The following IQUB variants were observed in gnomAD, a reference collection of about 807,000 sequenced individuals.
IQUB encodes IQ motif and ubiquitin domain containing.
A neutral mutation model predicts 86.4 loss-of-function variants in IQUB; 86 were observed. The observed-to-expected ratio is 1.00, with a 90% CI of 0.84 to 1.19. The LOEUF (loss-of-function observed/expected upper bound fraction) is 1.19. Ranked by LOEUF, IQUB falls within the 50% of genes most tolerant of loss-of-function variation. IQUB has a pLI of 0.00. For missense variants in IQUB, 946 were observed against 916.9 expected (o/e 1.03, Z -0.41); for synonymous variants, 289 against 304.5 (o/e 0.95, Z 0.53).
intron 7 of IQUB, among the ~76,000 whole-genome samples, chr7:123,480,719 T>C (rs1794967284): frequency 1.3e-5 from 2 of 152,110 alleles, no homozygotes; most frequent in Non-Finnish European, 2.9e-5. Context: ...GAATTGTTGA[T>C]TTCAGTCATT....
chr7:123,525,783 A>T (rs1797172624), intron 1 of IQUB, among the ~76,000 whole-genome samples: 1 of 151,284 alleles, frequency 6.6e-6, no homozygotes, highest in Non-Finnish European at 1.5e-5. Flanking sequence ...AGTTCTTTTA[A>T]TTGTGATGTT....
chr7:123,467,794 C>T (rs921849999), intron 9 of IQUB, among the ~76,000 whole-genome samples: 36 of 152,210 alleles, frequency 2.4e-4, no homozygotes, highest in African/African-American at 8.2e-4. Context: ...TAAAAATGGC[C>T]CCAATTACTA....
At chr7:123,517,190 T>A (rs186008938) in intron 1 of IQUB, among the ~76,000 whole-genome samples, 59 of 152,174 alleles carry the variant, frequency 3.9e-4, no homozygotes, top group Admixed American at 8.5e-4. Flanking sequence ...GGGGAATATA[T>A]CATTGTTATT....
At chr7:123,469,133 A>C (rs1034894053) in intron 9 of IQUB, 81 bp downstream of exon 9, 3 of 984,724 alleles carry the variant, frequency 3.0e-6, no homozygotes, top group Non-Finnish European at 4.2e-6. Context: ...AATGTAAAAC[A>C]CTTTACTTGT....
Position 123,457,482 on chromosome 7 carries a change from T to C in IQUB, c.2092A>G (p.Met698Val), listed in dbSNP as rs774622839. The C allele has an allele frequency of 1.3e-5, 21 of 1,611,550 alleles. No individual in the cohort carries two copies. Among genetic ancestry groups the C allele is most frequent in the Admixed American group, 6.7e-5 (4 of 59,508 alleles). ...SACDNLSDLVMVRWNKSLEWS... is the reference protein window; with the variant it reads ...SACDNLSDLVVVRWNKSLEWS... ...TCCAGGGATTTATTCCATCTGACCA[T>C]GACCAGATCACTGAGATTGTCGCAA... is the stretch of plus-strand genomic sequence containing the variant. The change falls in exon 12 of 13, where the codon ATG (methionine) becomes GTG (valine). Residue 698 changes from methionine (M) to valine (V), a missense_variant. Transcript: ENST00000324698.
intron 8 of IQUB, among the ~76,000 whole-genome samples, chr7:123,476,583 T>C (rs1316175488): frequency 2.0e-5 from 3 of 151,710 alleles, no homozygotes; most frequent in Admixed American, 1.3e-4. Context: ...GGCAGTGATA[T>C]AGATAATGGA....
chr7:123,516,508 GGAT>G (rs1271474957), intron 1 of IQUB, among the ~76,000 whole-genome samples: 10 of 151,982 alleles, frequency 6.6e-5, no homozygotes, highest in African/African-American at 2.4e-4. Flanking sequence ...AGGAAGAGGA[GGAT>G]GAAGTACTCT....
intron 12 of IQUB, among the ~76,000 whole-genome samples, chr7:123,456,095 A>T (rs1035861923): frequency 1.3e-5 from 2 of 152,122 alleles, no homozygotes; most frequent in Non-Finnish European, 2.9e-5. Flanking sequence ...TCAGCCCAAA[A>T]CCATAAAAAA....
intron 1 of IQUB, among the ~76,000 whole-genome samples, chr7:123,527,262 T>G (rs1057441299): frequency 6.6e-5 from 10 of 152,218 alleles, no homozygotes; most frequent in Middle Eastern, 3.2e-3. Context: ...TGGTTTGAAT[T>G]TCCTCCTGTA....
chr7:123,476,063 A>G (rs1794732680), intron 8 of IQUB, among the ~76,000 whole-genome samples: 1 of 152,156 alleles, frequency 6.6e-6, no homozygotes, highest in Admixed American at 6.6e-5. Flanking sequence ...CTTCCTCCCT[A>G]CCTTCTTCCA....
chr7:123,527,441 T>C (rs888512220), intron 1 of IQUB, among the ~76,000 whole-genome samples: 4 of 152,178 alleles, frequency 2.6e-5, no homozygotes, highest in African/African-American at 9.7e-5. Context: ...CCCATCTTTG[T>C]GGTTTTATCT....
chr7:123,470,025 G>C (rs573523564), intron 8 of IQUB, among the ~76,000 whole-genome samples: 1 of 152,190 alleles, frequency 6.6e-6, no homozygotes, highest in African/African-American at 2.4e-5. Context: ...TCCCAACCTA[G>C]CCCACCTCCT....
intron 1 of IQUB, among the ~76,000 whole-genome samples, chr7:123,524,547 T>C (rs1419029939): frequency 4.1e-5 from 6 of 147,556 alleles, no homozygotes; most frequent in East Asian, 3.9e-4. Flanking sequence ...TGTACATTGA[T>C]TTTGTATCCT....
chr7:123,459,738 T>C (rs1318729599), intron 11 of IQUB: 1 of 151,966 alleles, frequency 6.6e-6, no homozygotes, highest in Non-Finnish European at 1.5e-5. Flanking sequence ...CAGCACTTCT[T>C]GGTGACTTAC....
chr7:123,516,938 G>A (rs1789525371), intron 1 of IQUB, among the ~76,000 whole-genome samples: 1 of 152,040 alleles, frequency 6.6e-6, no homozygotes, highest in Non-Finnish European at 1.5e-5. Flanking sequence ...CATGAATACT[G>A]TCAGAATAGA....
intron 8 of IQUB, among the ~76,000 whole-genome samples, chr7:123,477,187 T>C (rs1284368208): frequency 1.3e-5 from 2 of 152,160 alleles, no homozygotes; most frequent in African/African-American, 2.4e-5. Flanking sequence ...GACTTCAAAC[T>C]ATACTACAAG....
chr7:123,506,939 G>T (rs865873148), intron 3 of IQUB, among the ~76,000 whole-genome samples: 1 of 152,100 alleles, frequency 6.6e-6, no homozygotes, highest in South Asian at 2.1e-4. Flanking sequence ...CCAGCCACTG[G>T]TGTATTCAGA....
At chr7:123,496,975 G>T in intron 6 of IQUB, 69 bp from the exon 7 acceptor site, 2 of 921,232 alleles carry the variant, frequency 2.2e-6, no homozygotes, top group South Asian at 1.9e-5. Context: ...TAAAGGCAAT[G>T]ATGATTATTT....
chr7:123,465,156 A>G (rs753334161), intron 9 of IQUB, 147 bp from the exon 10 acceptor site: 16 of 591,598 alleles, frequency 2.7e-5, no homozygotes, highest in Non-Finnish European at 4.7e-5. Flanking sequence ...CTAATAGTTC[A>G]TTTTTTGTGG....
Sources: allele counts gnomAD v4.1 joint callset (sites outside exome capture counted in the v4.1 genomes callset), GRCh38; gene constraint gnomAD v4.1.1; transcripts MANE v1.5; gene names NCBI Gene and HGNC (gene_info 2026-07-23, HGNC 2026-07-21).